MSRB3: variants seen among roughly 807,000 people sequenced by gnomAD.
MSRB3 encodes the protein methionine sulfoxide reductase B3.
Under a neutral mutation model 21.0 loss-of-function variants are expected in MSRB3, and 13 were observed. That is an observed-to-expected ratio of 0.62 (90% CI 0.40 to 0.98). The LOEUF is 0.98. Ranked by LOEUF, MSRB3 falls within the 50% of genes least tolerant of loss-of-function variation. The pLI is 0.00. For synonymous variants in MSRB3, 87 were observed against 88.6 expected (o/e 0.98, Z 0.10); for missense variants, 199 against 230.3 (o/e 0.86, Z 0.88).
chr12:65,441,825 A>G (rs948149025), intron 5 of MSRB3, among the ~76,000 whole-genome samples: 1 of 152,056 alleles, frequency 6.6e-6, no homozygotes, highest in African/African-American at 2.4e-5. Context: ...TCTATTAAAC[A>G]AATTTAATAT....
intron 4 of MSRB3, among the ~76,000 whole-genome samples, chr12:65,363,961 G>A (rs1877857610): frequency 6.6e-6 from 1 of 152,160 alleles, no homozygotes; most frequent in Non-Finnish European, 1.5e-5. Flanking sequence ...GCAACAGAGT[G>A]AGATTCTGTC....
rs1318130378 is a variant in MSRB3 at position 65,379,571 on chromosome 12, CAGATT to C, written c.292+10547_292+10551del. The stretch of plus-strand genomic sequence containing the variant: ...ACCACTCTTCTGACTTCAGTCACCA[CAGATT>C]AAAGTTCCCTGTTCTTGAATTTCAT... On this transcript the variant is annotated intron_variant, in intron 5 of 6. Coordinates refer to ENST00000308259, the MANE Select transcript of MSRB3 (RefSeq NM_001031679.3). Among the ~76,000 whole-genome samples, 3 of 152,256 alleles carry C rather than the reference CAGATT, an allele frequency of 2.0e-5. No homozygotes were observed. The South Asian group carries it at 6.2e-4, about 32-fold the overall frequency.
At chr12:65,291,278 G>C (rs945324386) in intron 1 of MSRB3, among the ~76,000 whole-genome samples, 2 of 151,868 alleles carry the variant, frequency 1.3e-5, no homozygotes, top group South Asian at 4.2e-4. Context: ...AAGAGATGGG[G>C]TTTCTCCATG....
chr12:65,370,073 T>C (rs895168553), intron 5 of MSRB3, among the ~76,000 whole-genome samples: 13 of 152,124 alleles, frequency 8.5e-5, no homozygotes, highest in African/African-American at 2.4e-4. Flanking sequence ...AGTTAACAAA[T>C]TTACCTAGTT....
chr12:65,403,591 AG>A, intron 5 of MSRB3, among the ~76,000 whole-genome samples: 1 of 152,270 alleles, frequency 6.6e-6, no homozygotes, highest in East Asian at 1.9e-4. Flanking sequence ...TCCTGGCTTC[AG>A]CCCACTTTCC....
rs1042870780 is a variant in MSRB3 at position 65,433,998 on chromosome 12, C to G, written c.293-19730C>G. 2.0e-5 allele frequency among the ~76,000 whole-genome samples: 3 copies of G among 151,902 alleles called. 1 individual carries two copies. Among genetic ancestry groups the G allele is most frequent in the Admixed American group, 1.3e-4 (2 of 15,198 alleles). On this transcript the variant is annotated intron_variant, in intron 5 of 6. Coordinates refer to ENST00000308259, the MANE Select transcript of MSRB3 (RefSeq NM_001031679.3). ...AATCCTCAGTGGTGGAGAGTCTTTG[C>G]ACTTTGAGGTGCTTACTTTTCTAAG...
At chr12:65,373,601 C>T (rs1878439795) in intron 5 of MSRB3, among the ~76,000 whole-genome samples, 1 of 151,906 alleles carries the variant, frequency 6.6e-6, no homozygotes, top group Non-Finnish European at 1.5e-5. Flanking sequence ...CTTGGAATAG[C>T]TATACTAAGG....
chr12:65,348,026 G>T (rs1413385040), intron 4 of MSRB3, among the ~76,000 whole-genome samples: 2 of 152,118 alleles, frequency 1.3e-5, no homozygotes, highest in Non-Finnish European at 1.5e-5. Flanking sequence ...TGTTCATTAG[G>T]GATATTGGTC....
intron 4 of MSRB3, among the ~76,000 whole-genome samples, chr12:65,348,377 G>T (rs1187739149): frequency 2.6e-5 from 4 of 152,102 alleles, no homozygotes; most frequent in Non-Finnish European, 4.4e-5. Context: ...TTGCATAGAG[G>T]TGTTTATAGT....
At chr12:65,367,878 C>T (rs1392861441) in intron 4 of MSRB3, among the ~76,000 whole-genome samples, 1 of 146,656 alleles carries the variant, frequency 6.8e-6, no homozygotes, top group Non-Finnish European at 1.5e-5. Context: ...GTGTGTATTA[C>T]ATATTACACA....
At chr12:65,335,669 C>T (rs1485422672) in intron 4 of MSRB3, among the ~76,000 whole-genome samples, 6 of 152,068 alleles carry the variant, frequency 3.9e-5, no homozygotes. Flanking sequence ...AGAGTTTTCC[C>T]GTTTTCCTCT....
At chr12:65,302,777 G>A (rs1873412570) in intron 1 of MSRB3, among the ~76,000 whole-genome samples, 2 of 152,094 alleles carry the variant, frequency 1.3e-5, no homozygotes, top group Admixed American at 1.3e-4. Context: ...GCTAGGCACT[G>A]GGTTGATAAG....
rs752034043 is a variant in MSRB3, at chr12:65,278,870, G to A, written c.-52+5G>A. 5.8e-6 allele frequency: 9 copies of A among 1,555,136 alleles called. 1 individual carries two copies. The South Asian group carries it at 7.1e-5, about 12-fold the overall frequency. Reference sequence around the variant, plus strand: ...CTCTGGGAAGTGCGCAGTCCGGTAAGTTCGGGCTCCCCTCCCCTCTCCTCC... The same window carrying A: ...CTCTGGGAAGTGCGCAGTCCGGTAAATTCGGGCTCCCCTCCCCTCTCCTCC... On this transcript the variant is annotated splice_donor_5th_base_variant and intron_variant, in intron 1 of 6. Coordinates refer to ENST00000308259, the MANE Select transcript of MSRB3 (RefSeq NM_001031679.3).
intron 5 of MSRB3, among the ~76,000 whole-genome samples, chr12:65,369,710 G>A (rs1170051263): frequency 6.6e-6 from 1 of 152,090 alleles, no homozygotes; most frequent in Admixed American, 6.5e-5. Flanking sequence ...TACAATTAAA[G>A]CACAAAAATT....
In MSRB3 at chr12:65,427,784, G is replaced by A. The variant is rs959599484; in HGVS notation, c.293-25944G>A. Among the ~76,000 whole-genome samples, 3 of 152,214 alleles carry A rather than the reference G, an allele frequency of 2.0e-5. No individual in the cohort carries two copies. In the South Asian group the frequency reaches 6.2e-4, roughly 31 times the overall value. ...GAGCACAAATGTGTGTAGTTACAGT[G>A]GTTTTGGAGTCAGAGCAGGGCCTAG... is the stretch of plus-strand genomic sequence containing the variant. On this transcript the variant is annotated intron_variant, in intron 5 of 6. Transcript: ENST00000308259.
At chr12:65,404,033 C>T (rs867292496) in intron 5 of MSRB3, among the ~76,000 whole-genome samples, 12 of 152,200 alleles carry the variant, frequency 7.9e-5, no homozygotes, top group East Asian at 3.9e-4. Context: ...AGCTGCAGAC[C>T]GGAGCTGTTC....
At chr12:65,308,179 A>C (rs965790257) in intron 1 of MSRB3, among the ~76,000 whole-genome samples, 6 of 152,254 alleles carry the variant, frequency 3.9e-5, no homozygotes, top group African/African-American at 1.4e-4. Context: ...TAAGAATTAA[A>C]TGATACAACG....
At chr12:65,398,969 T>C (rs1170314169) in intron 5 of MSRB3, among the ~76,000 whole-genome samples, 1 of 152,138 alleles carries the variant, frequency 6.6e-6, no homozygotes, top group Non-Finnish European at 1.5e-5. Context: ...GGTCTATATA[T>C]CAATTTTGGT....
intron 5 of MSRB3, among the ~76,000 whole-genome samples, chr12:65,381,010 C>A (rs1023498676): frequency 1.3e-5 from 2 of 152,066 alleles, no homozygotes; most frequent in Admixed American, 1.3e-4. Flanking sequence ...AGTAGTTACT[C>A]GGATTCAGTA....
Sources: gnomAD v4.1 joint callset for allele counts (sites outside exome capture counted in the v4.1 genomes callset) on GRCh38, gnomAD v4.1.1 for gene constraint, MANE v1.5 for transcripts, NCBI Gene and HGNC (gene_info 2026-07-23, HGNC 2026-07-21) for gene names.